The following KALRN variants were observed in gnomAD, a reference collection of about 807,000 sequenced individuals.
KALRN encodes kalirin.
KALRN carries 70 observed loss-of-function variants against 353.7 expected under a neutral mutation model. The ratio of observed to expected loss-of-function variants is 0.20; its 90% CI spans 0.16 to 0.24. The LOEUF is 0.24. Among genes scored for constraint, KALRN ranks in the 10% least tolerant of loss-of-function variants. The pLI, the probability that KALRN is intolerant of heterozygous loss-of-function variation, is 1.00. For synonymous variants in KALRN, 1,391 were observed against 1,434.8 expected (o/e 0.97, Z 0.69); for missense variants, 2,791 against 3,756.7 (o/e 0.74, Z 6.72).
At chr3:124,504,907 T>A in intron 33 of KALRN, 1 of 507,466 alleles carries the variant, frequency 2.0e-6, no homozygotes, top group South Asian at 1.5e-5. Context: ...GCCAAGATGT[T>A]AAAGTGGATT....
intron 6 of KALRN, among the ~76,000 whole-genome samples, chr3:124,318,699 T>A (rs2079042683): frequency 6.6e-6 from 1 of 152,172 alleles, no homozygotes; most frequent in South Asian, 2.1e-4. Context: ...TTGGAATATC[T>A]CCAAATACTA....
rs5852396 is a variant in KALRN at position 124,209,492 on chromosome 3, CAAAAAAAAAAA to C, written c.74-18483_74-18473del. 5.4e-3 allele frequency among the ~76,000 whole-genome samples: 381 copies of C among 70,058 alleles called. 1 individual carries two copies. Among genetic ancestry groups the C allele is most frequent in the African/African-American group, 0.021 (355 of 16,670 alleles). The allele number at this position is 70,058 out of a possible 152,430, so 46.0% of individuals were successfully genotyped here. A position where few individuals can be genotyped will look rare whatever the true frequency, so the allele number is the denominator to read the frequency against. ...CAACAGAGCAAGACTCACTCTGTCT[CAAAAAAAAAAA>C]AAAAAAAAAAAAAATCCATGTCTAA... On this transcript the variant is annotated intron_variant, in intron 1 of 59. Coordinates refer to ENST00000682506, the MANE Select transcript of KALRN (RefSeq NM_001388419.1).
At chr3:124,181,644 C>A (rs2073614253) in intron 1 of KALRN, among the ~76,000 whole-genome samples, 1 of 152,124 alleles carries the variant, frequency 6.6e-6, no homozygotes. Context: ...TAAAATAGAA[C>A]AAAGCAGGGA....
Position 124,107,771 on chromosome 3 carries a change from G to C in KALRN, c.73+73958G>C, listed in dbSNP as rs139727122. Among the ~76,000 whole-genome samples the C allele has an allele frequency of 4.1e-4, 63 of 152,302 alleles. 1 individual carries two copies. In the South Asian group the frequency reaches 8.7e-3, roughly 21 times the overall value. On this transcript the variant is annotated intron_variant, in intron 1 of 59. Coordinates refer to ENST00000682506, the MANE Select transcript of KALRN (RefSeq NM_001388419.1). ...AACAGATGTGGGGTGCTGGGAGGGA[G>C]GAGGTAGACAGTGTCATCATTAGGT...
chr3:124,477,195 A>C, intron 26 of KALRN, 50 bp from the exon 27 acceptor site: 1 of 1,363,434 alleles, frequency 7.3e-7, no homozygotes, highest in Non-Finnish European at 1.0e-6. Flanking sequence ...TGGTGGACAG[A>C]AGGGAACAAC....
At chr3:124,684,888 TG>T (rs996382934) in intron 51 of KALRN, among the ~76,000 whole-genome samples, 1 of 152,112 alleles carries the variant, frequency 6.6e-6, no homozygotes, top group African/African-American at 2.4e-5. Context: ...TACAGTTCCC[TG>T]GCCCGCCTTT....
At chr3:124,076,681 C>A (rs1460951182) in intron 1 of KALRN, among the ~76,000 whole-genome samples, 2 of 152,164 alleles carry the variant, frequency 1.3e-5, no homozygotes, top group East Asian at 3.9e-4. Flanking sequence ...AGGGGCCAGA[C>A]CATTAGCATA....
intron 1 of KALRN, among the ~76,000 whole-genome samples, chr3:124,215,282 A>C (rs1443339235): frequency 1.3e-5 from 2 of 152,182 alleles, no homozygotes; most frequent in Non-Finnish European, 2.9e-5. Flanking sequence ...CGAATAGCCC[A>C]GATTGGGTAG....
intron 2 of KALRN, among the ~76,000 whole-genome samples, chr3:124,233,808 A>G (rs1210063415): frequency 6.6e-6 from 1 of 152,158 alleles, no homozygotes; most frequent in Non-Finnish European, 1.5e-5. Context: ...ACTCTGGGGT[A>G]TATCCAGTGG....
At chr3:124,616,771 C>G (rs2078645117) in intron 34 of KALRN, among the ~76,000 whole-genome samples, 1 of 152,076 alleles carries the variant, frequency 6.6e-6, no homozygotes, top group Non-Finnish European at 1.5e-5. Context: ...CGAGACCATC[C>G]TGGCTAACAC....
chr3:124,482,699 C>A (rs1375130802), intron 27 of KALRN, 109 bp from the exon 28 acceptor site: 2 of 752,028 alleles, frequency 2.7e-6, no homozygotes, highest in Admixed American at 3.9e-5. Context: ...TACTTGTCTA[C>A]CTTTTTCTCT....
chr3:124,621,195 C>T (rs112651196), intron 34 of KALRN, among the ~76,000 whole-genome samples: 1 of 152,124 alleles, frequency 6.6e-6, no homozygotes, highest in South Asian at 2.1e-4. Flanking sequence ...CACATTCTGC[C>T]AGGACAGGAG....
At chr3:124,642,117 A>G (rs1248290151) in intron 37 of KALRN, among the ~76,000 whole-genome samples, 2 of 152,140 alleles carry the variant, frequency 1.3e-5, no homozygotes, top group Non-Finnish European at 2.9e-5. Flanking sequence ...CCCCATATCT[A>G]GTAAAATACA....
intron 33 of KALRN, among the ~76,000 whole-genome samples, chr3:124,543,543 C>A (rs938276354): frequency 1.3e-5 from 2 of 152,028 alleles, no homozygotes; most frequent in Non-Finnish European, 2.9e-5. Context: ...CCTCTTGATC[C>A]GCCCACCTCG....
intron 3 of KALRN, among the ~76,000 whole-genome samples, chr3:124,254,422 C>CAAAAAAAAAAAA (rs35522040): frequency 8.2e-6 from 1 of 121,264 alleles, no homozygotes; most frequent in African/African-American, 3.5e-5. Context: ...ATCTATGAAG[C>CAAAAAAAAAAAA]AAAAAAAAAA....
chr3:124,437,481 G>A (rs1012024155), intron 17 of KALRN, among the ~76,000 whole-genome samples: 9 of 152,140 alleles, frequency 5.9e-5, no homozygotes, highest in African/African-American at 2.2e-4. Context: ...CTTGAGGTCA[G>A]GGGTTCAAAA....
rs149903207 is a variant in KALRN at position 124,582,871 on chromosome 3, G to A, written c.5182+19782G>A. ...GCAGGCTTGACATCCCCAGGCTCAAGTGATCCTTCCACCTCAGCCTGCCAA... is the reference window on the plus strand; with the variant it reads ...GCAGGCTTGACATCCCCAGGCTCAAATGATCCTTCCACCTCAGCCTGCCAA... On this transcript the variant is annotated intron_variant, in intron 34 of 59. Transcript: ENST00000682506. 1.1e-4 allele frequency among the ~76,000 whole-genome samples: 17 copies of A among 152,232 alleles called. No homozygotes were observed. In the East Asian group the frequency reaches 3.3e-3, roughly 29 times the overall value.
chr3:124,490,131 T>C (rs988613394), intron 29 of KALRN, among the ~76,000 whole-genome samples: 5 of 152,104 alleles, frequency 3.3e-5, no homozygotes, highest in Non-Finnish European at 5.9e-5. Context: ...TGGTGGCATG[T>C]ACCTATGACC....
At chr3:124,255,858 G>A (rs1350766102) in intron 3 of KALRN, among the ~76,000 whole-genome samples, 2 of 152,162 alleles carry the variant, frequency 1.3e-5, no homozygotes, top group Non-Finnish European at 2.9e-5. Flanking sequence ...GCGTGGGCAA[G>A]CACAAAGGCA....
Sources: gnomAD v4.1 joint callset for allele counts (sites outside exome capture counted in the v4.1 genomes callset) on GRCh38, gnomAD v4.1.1 for gene constraint, MANE v1.5 for transcripts, NCBI Gene and HGNC (gene_info 2026-07-23, HGNC 2026-07-21) for gene names.